Variants in SLC9B1 observed in about 807,000 individuals in gnomAD.
SLC9B1 encodes the protein solute carrier family 9 member B1.
Under a neutral mutation model 51.7 loss-of-function variants are expected in SLC9B1, and 32 were observed. The ratio of observed to expected loss-of-function variants is 0.62; its 90% confidence interval spans 0.47 to 0.83. The LOEUF is 0.83. SLC9B1 is among the 40% of genes least tolerant of loss of function. SLC9B1 has a pLI of 0.00. For missense variants in SLC9B1, 406 were observed against 613.2 expected (o/e 0.66, Z 3.57); for synonymous variants, 145 against 212.7 (o/e 0.68, Z 2.77).
chr4:102,991,486 T>C (rs1247662840), intron 2 of SLC9B1, among the ~76,000 whole-genome samples, 157 bp downstream of exon 2: 1 of 152,056 alleles, frequency 6.6e-6, no homozygotes, highest in Non-Finnish European at 1.5e-5. Flanking sequence ...TTCTGCTCAT[T>C]TCCTAGGACC....
Position 103,014,603 on chromosome 4 carries a change from T to C in SLC9B1, c.-2+4996A>G, listed in dbSNP as rs80166674. On this transcript the variant is annotated intron_variant, in intron 1 of 11. Transcript: ENST00000296422. ...CTAAATTAAACCAGAGACAGTTTCA[T>C]AATCATTTCTGAGTTATTTGAATTG... Among the ~76,000 whole-genome samples the C allele has an allele frequency of 9.3e-3, 1,418 of 152,372 alleles. 15 individuals are homozygous for C. The highest frequency in any genetic ancestry group is 0.031 in the African/African-American group (1,281 of 41,588).
intron 3 of SLC9B1, among the ~76,000 whole-genome samples, chr4:102,959,461 A>G (rs1170763549): frequency 1.3e-5 from 2 of 152,224 alleles, no homozygotes; most frequent in Non-Finnish European, 2.9e-5. Context: ...ATGTTCTTCC[A>G]GGAATTCTTG....
Position 102,989,841 on chromosome 4 carries a change from G to A in SLC9B1, c.170C>T (p.Ser57Phe), listed in dbSNP as rs1294264954. Residue 57 changes from serine (S) to phenylalanine (F), a missense_variant, in exon 3 of 12, where the codon TCT becomes TTT. Coordinates refer to ENST00000296422, the MANE Select transcript of SLC9B1 (RefSeq NM_139173.4). The part of the protein sequence containing the change: ...KPQTKKETYI[S>F]CPLRGVLNVI... ...ATTCAATACTCCTCTTAGAGGACAA[G>A]AAATGTATGTCTCCTTTTTTGTCTG... 1 of 1,600,990 alleles carries A rather than the reference G, an allele frequency of 6.2e-7. No individual in the cohort carries two copies. Among genetic ancestry groups the A allele is most frequent in the African/African-American group, 1.3e-5 (1 of 74,612 alleles).
At chr4:103,008,953 C>T (rs901707499) in intron 1 of SLC9B1, among the ~76,000 whole-genome samples, 14 of 152,104 alleles carry the variant, frequency 9.2e-5, no homozygotes, top group Non-Finnish European at 1.5e-5. Context: ...GCGCGTGCCA[C>T]CACGTCTGGC....
intron 3 of SLC9B1, among the ~76,000 whole-genome samples, chr4:102,971,925 T>C (rs4455413): frequency 0.59 from 89,400 of 151,808 alleles, 28,011 homozygotes; most frequent in African/African-American, 0.82. Context: ...TACACCCTCC[T>C]GAGACTAAAC....
At chr4:102,985,117 T>C (rs1739546803) in intron 3 of SLC9B1, among the ~76,000 whole-genome samples, 1 of 152,244 alleles carries the variant, frequency 6.6e-6, no homozygotes. Flanking sequence ...GGAAGTCTGC[T>C]GTCTGAAATT....
chr4:102,888,484 G>A (rs900000733), intron 11 of SLC9B1: 42 of 152,182 alleles, frequency 2.8e-4, no homozygotes, highest in African/African-American at 9.9e-4. Context: ...AAGTATGCGC[G>A]TAATTGTACC....
Position 102,955,893 on chromosome 4 carries a change from GA to G in SLC9B1, c.212-6467del, listed in dbSNP as rs746865997. Among the ~76,000 whole-genome samples the G allele has an allele frequency of 1.6e-5, 2 of 128,102 alleles. 1 individual carries two copies. Among genetic ancestry groups the G allele is most frequent in the African/African-American group, 7.6e-5 (2 of 26,198 alleles). The allele number at this position is 128,102 out of a possible 152,430, so 84.0% of individuals were successfully genotyped here. A position where few individuals can be genotyped will look rare whatever the true frequency, so the allele number is the denominator to read the frequency against. On this transcript the variant is annotated intron_variant, in intron 3 of 11. Coordinates refer to ENST00000296422, the MANE Select transcript of SLC9B1 (RefSeq NM_139173.4). ...AGAAAGAAAGAAAGAAAGAAAGAAA[GA>G]AAGAAAGAGAGAGAAAGACCCACAT...
In SLC9B1 at chr4:102,945,273, T is replaced by C; in HGVS notation, c.573A>G (p.Pro191=). 2 of 1,607,914 alleles carry C rather than the reference T, an allele frequency of 1.2e-6. No individual in the cohort carries two copies. The highest frequency in any genetic ancestry group is 1.7e-6 in the Non-Finnish European group (2 of 1,175,674). Reference sequence around the variant, plus strand: ...CAGCTGCACTTGCCTCCATAAGGCATGGACCTACAGCCAATCTGAAACAAA... The same window carrying C: ...CAGCTGCACTTGCCTCCATAAGGCACGGACCTACAGCCAATCTGAAACAAA... The part of the protein sequence containing the change: ...KVVCFRLAVG[P]CLMEASAAAV... Residue 191 remains proline (P), a synonymous_variant, in exon 6 of 12, where the codon CCA becomes CCG. Transcript: ENST00000296422.
chr4:102,911,481 C>T lies in SLC9B1; in HGVS notation c.886G>A (p.Ala296Thr), dbSNP rs765513879. ...ACAAAAAATCCCAAAACAATTCCTG[C>T]CAGCAGACTAATACATACGTTCCTT... ...SIRNVCISLL[A>T]GIVLGFFVRY... The change falls in exon 8 of 12, where the codon GCA becomes ACA. Residue 296 changes from alanine (A) to threonine (T), a missense_variant. Around this residue, in one of 6 missense-constraint regions of SLC9B1, gnomAD observed 250 missense variants for 394.1 expected, o/e 0.63. Coordinates refer to ENST00000296422, the MANE Select transcript of SLC9B1 (RefSeq NM_139173.4). The T allele has an allele frequency of 8.1e-6, 13 of 1,596,838 alleles. No homozygotes were observed. Among genetic ancestry groups the T allele is most frequent in the Admixed American group, 1.7e-5 (1 of 59,958 alleles).
chr4:103,000,716 C>A (rs929114115), intron 1 of SLC9B1, among the ~76,000 whole-genome samples: 4 of 152,248 alleles, frequency 2.6e-5, no homozygotes, highest in Admixed American at 6.5e-5. Flanking sequence ...TGGCCTAGGG[C>A]AGCTCTGCCT....
chr4:102,974,792 C>T (rs1463766051), intron 3 of SLC9B1, among the ~76,000 whole-genome samples: 1 of 152,258 alleles, frequency 6.6e-6, no homozygotes, highest in East Asian at 1.9e-4. Context: ...GGAACACCTT[C>T]AATTCATTTT....
At chr4:103,001,071 A>G (rs544847403) in intron 1 of SLC9B1, among the ~76,000 whole-genome samples, 1 of 152,294 alleles carries the variant, frequency 6.6e-6, no homozygotes, top group South Asian at 2.1e-4. Context: ...CTGTGCACCC[A>G]TGGGCCCAAC....
rs111409015 is a variant in SLC9B1, at chr4:102,951,031, A to C, written c.212-1604T>G. 2.0e-3 allele frequency among the ~76,000 whole-genome samples: 298 copies of C among 152,250 alleles called. 5 individuals carry two copies. The highest frequency in any genetic ancestry group is 7.0e-3 in the African/African-American group (291 of 41,568). On this transcript the variant is annotated intron_variant, in intron 3 of 11. Transcript: ENST00000296422. Reference sequence around the variant, plus strand: ...AACAAAACAAAACAGAAAACAAAACAAAACAAAACACGGACAAGAAAATGT... The same window carrying C: ...AACAAAACAAAACAGAAAACAAAACCAAACAAAACACGGACAAGAAAATGT...
chr4:102,899,239 G>A (rs1734676265), downstream of SLC9B1, among the ~76,000 whole-genome samples: 1 of 150,976 alleles, frequency 6.6e-6, no homozygotes, highest in Non-Finnish European at 1.5e-5. Flanking sequence ...CTTAGAGAAA[G>A]TTCAATAAAT....
intron 11 of SLC9B1, chr4:102,887,212 A>G (rs960315880): frequency 1.6e-6 from 1 of 637,470 alleles, no homozygotes; most frequent in African/African-American, 1.8e-5. Context: ...GAATGTAACT[A>G]TTACTCAGGA....
intron 11 of SLC9B1, among the ~76,000 whole-genome samples, chr4:102,905,112 C>T (rs1436861026): frequency 6.6e-6 from 1 of 151,818 alleles, no homozygotes; most frequent in Non-Finnish European, 1.5e-5. Flanking sequence ...TGTGATCATG[C>T]GACTGCACTC....
intron 3 of SLC9B1, among the ~76,000 whole-genome samples, chr4:102,986,596 T>C (rs1666475061): frequency 6.6e-6 from 1 of 152,192 alleles, no homozygotes; most frequent in African/African-American, 2.4e-5. Flanking sequence ...CTTTTGATAT[T>C]CCCATTTCAT....
At chr4:102,991,508 G>A in intron 2 of SLC9B1, 135 bp downstream of exon 2, 1 of 537,010 alleles carries the variant, frequency 1.9e-6, no homozygotes, top group Non-Finnish European at 3.1e-6. Flanking sequence ...ATTACAACTA[G>A]CTATTTTAAA....
Sources: allele counts gnomAD v4.1 joint callset (sites outside exome capture counted in the v4.1 genomes callset), GRCh38; gene constraint gnomAD v4.1.1; regional missense constraint gnomAD v4.1.1; transcripts MANE v1.5; gene names NCBI Gene and HGNC (gene_info 2026-07-23, HGNC 2026-07-21).